The following ADAMTSL1 variants were observed in gnomAD, a reference collection of about 807,000 sequenced individuals.
ADAMTSL1 encodes the protein ADAMTS like 1.
A neutral mutation model predicts 201.8 loss-of-function variants in ADAMTSL1; 126 were observed. The observed-to-expected ratio is 0.62, with a 90% CI of 0.54 to 0.72. The LOEUF (loss-of-function observed/expected upper bound fraction) is 0.72. ADAMTSL1 is among the 30% of genes least tolerant of loss of function. The probability of loss-of-function intolerance (pLI) is 0.00; values close to 1 mark genes in which losing one functional copy is unlikely to be tolerated. For synonymous variants in ADAMTSL1, 1,121 were observed against 903.4 expected (o/e 1.24, Z -4.32); for missense variants, 2,679 against 2,277.8 (o/e 1.18, Z -3.59).
intron 2 of ADAMTSL1, among the ~76,000 whole-genome samples, chr9:18,311,596 A>G (rs1416755293): frequency 2.0e-5 from 3 of 152,124 alleles, no homozygotes; most frequent in Non-Finnish European, 2.9e-5. Flanking sequence ...AACAGATAGA[A>G]TTGGCCTCAA....
intron 23 of ADAMTSL1, among the ~76,000 whole-genome samples, chr9:18,837,391 G>T (rs1298808544): frequency 6.6e-6 from 1 of 152,132 alleles, no homozygotes; most frequent in African/African-American, 2.4e-5. Context: ...CATCTTTCTG[G>T]AAAATCAATT....
intron 1 of ADAMTSL1, among the ~76,000 whole-genome samples, chr9:17,960,907 C>T (rs1223421555): frequency 6.6e-6 from 1 of 152,128 alleles, no homozygotes; most frequent in African/African-American, 2.4e-5. Flanking sequence ...CCCATTTTTC[C>T]TTCCTTATCC....
Position 18,133,849 on chromosome 9 carries a change from AT to A in ADAMTSL1, c.88-30012del, listed in dbSNP as rs563831713. 4.0e-3 allele frequency among the ~76,000 whole-genome samples: 606 copies of A among 152,314 alleles called. 6 individuals are homozygous for A. Among genetic ancestry groups the A allele is most frequent in the African/African-American group, 0.013 (556 of 41,576 alleles). On this transcript the variant is annotated intron_variant, in intron 1 of 29. Coordinates refer to the ADAMTSL1 transcript ENST00000680146. ...TAAAAAAACTATTTGGTTAACTCTA[AT>A]GGGCAACTAGAATTGAAAACACAGC...
intron 1 of ADAMTSL1, among the ~76,000 whole-genome samples, chr9:18,036,780 C>G (rs1821217880): frequency 6.6e-6 from 1 of 152,170 alleles, no homozygotes; most frequent in Non-Finnish European, 1.5e-5. Context: ...AAAGTTCAGA[C>G]CACATTATTG....
chr9:18,650,097 G>T (rs993657557), intron 7 of ADAMTSL1, among the ~76,000 whole-genome samples: 1 of 152,212 alleles, frequency 6.6e-6, no homozygotes, highest in Non-Finnish European at 1.5e-5. Flanking sequence ...GGGCAATGGC[G>T]GGTGCCCATC....
intron 16 of ADAMTSL1, among the ~76,000 whole-genome samples, chr9:18,759,203 G>T (rs1819932641): frequency 6.6e-6 from 1 of 152,084 alleles, no homozygotes; most frequent in African/African-American, 2.4e-5. Flanking sequence ...TGACAGTGTT[G>T]CCATTTCCCT....
intron 2 of ADAMTSL1, among the ~76,000 whole-genome samples, chr9:18,393,358 C>G (rs1838130034): frequency 6.6e-6 from 1 of 152,048 alleles, no homozygotes; most frequent in Non-Finnish European, 1.5e-5. Flanking sequence ...GTTGCTTGGA[C>G]CTGGTAGGGA....
At chr9:18,029,046 G>T (rs1318241322) in intron 1 of ADAMTSL1, among the ~76,000 whole-genome samples, 2 of 152,136 alleles carry the variant, frequency 1.3e-5, no homozygotes, top group African/African-American at 2.4e-5. Flanking sequence ...GTTCACTCAT[G>T]ATTTGGCTCT....
At chr9:18,749,149 T>G (rs1564201382) in intron 15 of ADAMTSL1, among the ~76,000 whole-genome samples, 2 of 152,230 alleles carry the variant, frequency 1.3e-5, no homozygotes, top group Admixed American at 6.5e-5. Flanking sequence ...TATTTCCATG[T>G]AAGGTCACAT....
intron 2 of ADAMTSL1, among the ~76,000 whole-genome samples, chr9:18,386,188 G>T (rs911143987): frequency 6.6e-6 from 1 of 152,106 alleles, no homozygotes; most frequent in African/African-American, 2.4e-5. Flanking sequence ...GAGTGCTGAA[G>T]AATGTTATTT....
chr9:18,790,629 C>T (rs555734112), intron 19 of ADAMTSL1, among the ~76,000 whole-genome samples: 1 of 152,168 alleles, frequency 6.6e-6, no homozygotes, highest in South Asian at 2.1e-4. Context: ...TCATGCATGA[C>T]AAGGATTTTT....
chr9:18,153,880 G>A (rs1323877208), intron 1 of ADAMTSL1, among the ~76,000 whole-genome samples: 1 of 151,984 alleles, frequency 6.6e-6, no homozygotes, highest in Non-Finnish European at 1.5e-5. Context: ...TGTGAAGAAT[G>A]ACACCATCCA....
intron 2 of ADAMTSL1, among the ~76,000 whole-genome samples, chr9:18,439,159 T>A (rs1429799304): frequency 1.3e-5 from 2 of 152,200 alleles, no homozygotes; most frequent in Non-Finnish European, 2.9e-5. Context: ...TTGTGTGTCC[T>A]GCATTGGCAA....
intron 1 of ADAMTSL1, among the ~76,000 whole-genome samples, chr9:18,011,339 TTAAA>T (rs577973159): frequency 3.9e-5 from 6 of 152,174 alleles, no homozygotes; most frequent in Non-Finnish European, 8.8e-5. Flanking sequence ...AATGTTCAAC[TTAAA>T]TAAACTCTTA....
intron 2 of ADAMTSL1, among the ~76,000 whole-genome samples, chr9:18,515,445 C>G (rs1366993847): frequency 6.6e-6 from 1 of 152,158 alleles, no homozygotes; most frequent in Non-Finnish European, 1.5e-5. Context: ...AACCGTCCTC[C>G]TATCTCAGCC....
intron 6 of ADAMTSL1, among the ~76,000 whole-genome samples, chr9:18,637,245 T>C (rs77952209): frequency 6.6e-6 from 1 of 152,106 alleles, no homozygotes; most frequent in Non-Finnish European, 1.5e-5. Flanking sequence ...CAAAAGATAA[T>C]GTATGTGTGT....
At chr9:18,762,387 G>T (rs910434164) in intron 16 of ADAMTSL1, among the ~76,000 whole-genome samples, 1 of 152,130 alleles carries the variant, frequency 6.6e-6, no homozygotes, top group African/African-American at 2.4e-5. Context: ...GTGGGTAATA[G>T]TATATGTATT....
At chr9:18,030,696 A>C (rs1364226552) in intron 1 of ADAMTSL1, among the ~76,000 whole-genome samples, 1 of 152,032 alleles carries the variant, frequency 6.6e-6, no homozygotes, top group Non-Finnish European at 1.5e-5. Flanking sequence ...TTTACTAGAG[A>C]GAATTGACCT....
chr9:17,925,958 C>G (rs1042683627), intron 1 of ADAMTSL1, among the ~76,000 whole-genome samples: 1 of 151,954 alleles, frequency 6.6e-6, no homozygotes, highest in Non-Finnish European at 1.5e-5. Flanking sequence ...CGCAATGTAG[C>G]AATTGTTGCT....
Sources: allele counts gnomAD v4.1 joint callset (sites outside exome capture counted in the v4.1 genomes callset), GRCh38; gene constraint gnomAD v4.1.1; transcripts MANE v1.5; gene names NCBI Gene and HGNC (gene_info 2026-07-23, HGNC 2026-07-21).